The following SNTG1 variants were observed in gnomAD, a reference collection of about 807,000 sequenced individuals.
SNTG1 encodes the protein syntrophin gamma 1, also known as gamma-1-syntrophin.
In SNTG1, 39 loss-of-function variants were observed where a neutral mutation model predicts 74.7. The observed-to-expected ratio is 0.52, with a 90% CI of 0.40 to 0.68. The LOEUF is 0.68. Among genes scored for constraint, SNTG1 ranks in the 30% least tolerant of loss-of-function variants. SNTG1 has a pLI of 0.00. For missense variants in SNTG1, 685 were observed against 609.5 expected (o/e 1.12, Z -1.30); for synonymous variants, 254 against 217.1 (o/e 1.17, Z -1.49).
rs565163124 is a variant in SNTG1 at position 50,612,666 on chromosome 8, C to G, written c.849+21749C>G. Among the ~76,000 whole-genome samples the G allele has an allele frequency of 1.4e-4, 22 of 152,228 alleles. No homozygotes were observed. In the South Asian group the frequency reaches 3.3e-3, roughly 23 times the overall value. ...ACGTTAAAAAGTTCTGGTGTATGTG[C>G]TTTACTATGTATATCTGACTTATTT... On this transcript the variant is annotated intron_variant, in intron 13 of 18. Transcript: ENST00000642720.
At chr8:50,014,272 T>G (rs1376815932) in intron 1 of SNTG1, among the ~76,000 whole-genome samples, 1 of 152,092 alleles carries the variant, frequency 6.6e-6, no homozygotes, top group Non-Finnish European at 1.5e-5. Context: ...AATCTCTGAG[T>G]GTGTTAGCTA....
chr8:50,668,065 C>T (rs578168210), intron 15 of SNTG1, among the ~76,000 whole-genome samples: 1 of 152,154 alleles, frequency 6.6e-6, no homozygotes, highest in South Asian at 2.1e-4. Flanking sequence ...GAGAACACAT[C>T]AGAAGGAAGT....
chr8:50,532,259 T>C (rs767419064), intron 10 of SNTG1, among the ~76,000 whole-genome samples: 114 of 152,236 alleles, frequency 7.5e-4, no homozygotes, highest in Non-Finnish European at 1.2e-3. Flanking sequence ...ATAAAGTATA[T>C]TCAAAATAAA....
At chr8:50,399,465 T>C (rs574790184) in intron 3 of SNTG1, among the ~76,000 whole-genome samples, 1 of 152,294 alleles carries the variant, frequency 6.6e-6, no homozygotes, top group African/African-American at 2.4e-5. Flanking sequence ...TGGATGATCT[T>C]TAGTATCTCT....
At chr8:50,438,728 G>A (rs1196459015) in intron 5 of SNTG1, 129 bp downstream of exon 5, 4 of 667,468 alleles carry the variant, frequency 6.0e-6, no homozygotes, top group South Asian at 4.0e-5. Flanking sequence ...ATTTGGACGG[G>A]GATGTAAATT....
chr8:50,208,422 C>T lies in SNTG1; in HGVS notation c.-28+35787C>T, dbSNP rs567584119. On this transcript the variant is annotated intron_variant, in intron 2 of 18. Transcript: ENST00000642720. ...GTTTTCCATTTGCTGGGTAGATCTT[C>T]TTCCATCCCTTTATTTTGAGCTTTT... 6.6e-5 allele frequency among the ~76,000 whole-genome samples: 10 copies of T among 152,046 alleles called. No homozygotes were observed. The South Asian group carries it at 2.1e-3, about 32-fold the overall frequency.
chr8:50,182,682 A>T (rs1563707581), intron 2 of SNTG1, among the ~76,000 whole-genome samples: 1 of 151,994 alleles, frequency 6.6e-6, no homozygotes, highest in Non-Finnish European at 1.5e-5. Context: ...GCTACTTCAG[A>T]TTCTCTTAAT....
intron 9 of SNTG1, among the ~76,000 whole-genome samples, chr8:50,508,762 G>A (rs1446696357): frequency 2.0e-5 from 3 of 152,012 alleles, no homozygotes; most frequent in Non-Finnish European, 2.9e-5. Context: ...CATTTTGATG[G>A]GATTGTTTGT....
At chr8:50,716,084 C>T (rs2095474261) in intron 17 of SNTG1, among the ~76,000 whole-genome samples, 1 of 152,104 alleles carries the variant, frequency 6.6e-6, no homozygotes, top group South Asian at 2.1e-4. Flanking sequence ...CCCTCATGTA[C>T]ACACATGTGC....
At chr8:49,953,078 C>T (rs1809864810) in intron 1 of SNTG1, among the ~76,000 whole-genome samples, 1 of 152,084 alleles carries the variant, frequency 6.6e-6, no homozygotes, top group Admixed American at 6.6e-5. Flanking sequence ...AAATTATTAG[C>T]TTATAGGTGA....
At chr8:49,926,974 A>C (rs1287454201) in intron 1 of SNTG1, among the ~76,000 whole-genome samples, 1 of 152,212 alleles carries the variant, frequency 6.6e-6, no homozygotes, top group African/African-American at 2.4e-5. Context: ...CAGGTGGCAA[A>C]TAAGCATATG....
intron 8 of SNTG1, among the ~76,000 whole-genome samples, chr8:50,493,848 T>C (rs1396453304): frequency 6.6e-6 from 1 of 151,494 alleles, no homozygotes; most frequent in African/African-American, 2.4e-5. Context: ...CCATGTCAAA[T>C]ACAGTCAGGT....
At chr8:50,251,527 GA>G (rs1217877112) in intron 2 of SNTG1, among the ~76,000 whole-genome samples, 1 of 151,578 alleles carries the variant, frequency 6.6e-6, no homozygotes. Context: ...TAAAAGGATG[GA>G]AAAATATATT....
chr8:50,211,803 A>G (rs1028688743), intron 2 of SNTG1, among the ~76,000 whole-genome samples: 8 of 152,164 alleles, frequency 5.3e-5, no homozygotes, highest in Non-Finnish European at 1.2e-4. Context: ...TTTACATTTG[A>G]CAGTATCTGA....
rs541856098 is a variant in SNTG1, at chr8:50,542,380, C to T, written c.680+5572C>T. The stretch of plus-strand genomic sequence containing the variant: ...TCATGTTGGCTAGCCTGGTCTGGAA[C>T]TCCTGACCTCAAGTGATCCACCCGC... On this transcript the variant is annotated intron_variant, in intron 11 of 18. Transcript: ENST00000642720. 3.7e-3 allele frequency among the ~76,000 whole-genome samples: 565 copies of T among 151,976 alleles called. 6 individuals are homozygous for T. Among genetic ancestry groups the T allele is most frequent in the African/African-American group, 0.012 (508 of 41,462 alleles).
At chr8:50,349,926 C>T (rs556919201) in intron 2 of SNTG1, among the ~76,000 whole-genome samples, 11 of 152,138 alleles carry the variant, frequency 7.2e-5, no homozygotes, top group African/African-American at 1.2e-4. Flanking sequence ...GAGTGAGAGG[C>T]GCGAGCCGGA....
intron 13 of SNTG1, among the ~76,000 whole-genome samples, chr8:50,608,699 A>G (rs1187599766): frequency 6.6e-6 from 1 of 151,840 alleles, no homozygotes; most frequent in African/African-American, 2.4e-5. Flanking sequence ...AGTCAATCAC[A>G]TTTGAAATAA....
chr8:50,488,448 G>T (rs148456933), intron 8 of SNTG1, among the ~76,000 whole-genome samples: 1 of 152,012 alleles, frequency 6.6e-6, no homozygotes, highest in Non-Finnish European at 1.5e-5. Flanking sequence ...TCTATCCCTT[G>T]GTCGGAAATC....
In SNTG1 at chr8:50,516,391, C is replaced by T. The variant is rs187771712; in HGVS notation, c.466+13511C>T. Among the ~76,000 whole-genome samples, 146 of 152,250 alleles carry T rather than the reference C, an allele frequency of 9.6e-4. 1 individual carries two copies. Among genetic ancestry groups the T allele is most frequent in the African/African-American group, 3.4e-3 (141 of 41,564 alleles). The stretch of plus-strand genomic sequence containing the variant: ...CAAAAACCAGAACACCACTTCTTCT[C>T]CAAATTATCACAACTCCTCACCAGC... On this transcript the variant is annotated intron_variant, in intron 9 of 18. Coordinates refer to ENST00000642720, the MANE Select transcript of SNTG1 (RefSeq NM_018967.5).
Sources: allele counts gnomAD v4.1 joint callset (sites outside exome capture counted in the v4.1 genomes callset), GRCh38; gene constraint gnomAD v4.1.1; transcripts MANE v1.5; gene names NCBI Gene and HGNC (gene_info 2026-07-23, HGNC 2026-07-21).